GDPD3: variants seen among roughly 807,000 people sequenced by gnomAD.
GDPD3 encodes glycerophosphodiester phosphodiesterase domain containing 3, also known as lysophospholipase D GDPD3.
Under a neutral mutation model 43.7 loss-of-function variants are expected in GDPD3, and 40 were observed. The ratio of observed to expected loss-of-function variants is 0.91; its 90% CI spans 0.71 to 1.19. The LOEUF is 1.19. Among genes scored for constraint, GDPD3 ranks in the 50% most tolerant of loss-of-function variants. GDPD3 has a pLI of 0.00. For missense variants in GDPD3, 363 were observed against 415.8 expected, an observed-to-expected ratio of 0.87 and a Z score of 1.11; for synonymous variants, 145 against 162.9, an observed-to-expected ratio of 0.89 and a Z score of 0.84.
chr16:30,112,344 C>A lies in GDPD3; in HGVS notation c.445G>T (p.Val149Leu). Residue 149 changes from valine to leucine, a missense_variant, in exon 5 of 10, where the codon GTA becomes TTA. Physicochemically the swap from Val to Leu is conservative, Grantham distance 32. Transcript: ENST00000406256. This position sits in a 1 kb window ranked among gnomAD's most constrained non-coding sequence, Gnocchi z 5.4. ...TCTTCGTTCTTCCCTTTGATCTCTACGCTCATGGGTGTCCTTGGAAACCTC... is the reference window on the plus strand; with the variant it reads ...TCTTCGTTCTTCCCTTTGATCTCTAAGCTCATGGGTGTCCTTGGAAACCTC... ...FQRFPRTPMS[V>L]EIKGKNEELI... The A allele has an allele frequency of 6.2e-7, 1 of 1,614,208 alleles. No homozygotes were observed. The highest frequency in any genetic ancestry group is 8.5e-7 in the Non-Finnish European group (1 of 1,180,036).
intron 9 of GDPD3, among the ~76,000 whole-genome samples, chr16:30,107,508 T>C (rs2072868436): frequency 1.3e-5 from 2 of 152,104 alleles, no homozygotes; most frequent in South Asian, 4.1e-4. Context: ...TTAAATGATC[T>C]GGTGGAAGCC....
chr16:30,107,938 C>T (rs185815178), intron 9 of GDPD3: 52 of 226,100 alleles, frequency 2.3e-4, no homozygotes, highest in African/African-American at 1.1e-3. Context: ...TGCAGTGAGC[C>T]GAGATTGCAC....
intron 9 of GDPD3, among the ~76,000 whole-genome samples, chr16:30,106,807 A>C (rs929480290): frequency 6.6e-6 from 1 of 151,794 alleles, no homozygotes; most frequent in Admixed American, 6.6e-5. Flanking sequence ...CCTGGGTTCA[A>C]GTGATTCTCG....
intron 7 of GDPD3, chr16:30,110,937 T>A (rs1473040900): frequency 6.6e-6 from 1 of 152,586 alleles, no homozygotes; most frequent in Non-Finnish European, 1.5e-5. Flanking sequence ...TTCCTGATCC[T>A]TTCCCCAGCT....
chr16:30,113,289 C>G lies in GDPD3; in HGVS notation c.139+51G>C. The G allele has an allele frequency of 6.5e-7, 1 of 1,544,590 alleles. No homozygotes were observed. Among genetic ancestry groups the G allele is most frequent in the Non-Finnish European group, 8.7e-7 (1 of 1,142,904 alleles). On this transcript the variant is annotated intron_variant, in intron 1 of 9. Coordinates refer to ENST00000406256, the MANE Select transcript of GDPD3 (RefSeq NM_024307.3). The surrounding 1 kb of genome is among the most constrained non-coding windows in gnomAD (Gnocchi z 5.9). Reference sequence around the variant, plus strand: ...TTTCTAGCATGCCCCCTTGGACCTACCCCTCTGTGCTGTCCACTTTGGCAC... The same window carrying G: ...TTTCTAGCATGCCCCCTTGGACCTAGCCCTCTGTGCTGTCCACTTTGGCAC...
chr16:30,112,959 G>C lies in GDPD3; in HGVS notation c.182+63C>G. Reference sequence around the variant, plus strand: ...TAGGAAGTGAATGGCGTCCCTTGCTGTGATGCAGTCCACGACCTGCACACC... The same window carrying C: ...TAGGAAGTGAATGGCGTCCCTTGCTCTGATGCAGTCCACGACCTGCACACC... On this transcript the variant is annotated intron_variant, in intron 2 of 9. Coordinates refer to ENST00000406256, the MANE Select transcript of GDPD3 (RefSeq NM_024307.3). This position sits in a 1 kb window ranked among gnomAD's most constrained non-coding sequence, Gnocchi z 5.4. 1 of 1,549,772 alleles carries C rather than the reference G, an allele frequency of 6.5e-7. No homozygotes were observed.
intron 6 of GDPD3, 145 bp downstream of exon 6, chr16:30,111,987 C>G: frequency 1.6e-6 from 1 of 644,528 alleles, no homozygotes; most frequent in Non-Finnish European, 2.7e-6. Flanking sequence ...GGCCTGAGTT[C>G]ACACCCTTTT....
chr16:30,110,146 C>T (rs1006644202), intron 7 of GDPD3, among the ~76,000 whole-genome samples: 1 of 151,654 alleles, frequency 6.6e-6, no homozygotes, highest in Non-Finnish European at 1.5e-5. Context: ...CTTTATAAAT[C>T]TTGTATAAGG....
In GDPD3 at chr16:30,112,782, TG is replaced by T; in HGVS notation, c.193del (p.Gln65SerfsTer12). 1.9e-6 allele frequency: 3 copies of T among 1,605,688 alleles called. No homozygotes were observed. The highest frequency in any genetic ancestry group is 1.7e-6 in the Non-Finnish European group (2 of 1,179,018). The part of the protein sequence containing the change: ...TMEAMENSMA[Q>X]RSDLLELDCQ... The stretch of plus-strand genomic sequence containing the variant: ...GTCGAGCTCCAGGAGGTCCGAGCGC[TG>T]GGCCATGGAGCTGTGGGGGTGAAGG... On this transcript the variant is annotated frameshift_variant, in exon 3 of 10. Coordinates refer to ENST00000406256, the MANE Select transcript of GDPD3 (RefSeq NM_024307.3). LOFTEE classifies it high-confidence loss of function. The surrounding 1 kb of genome is among the most constrained non-coding windows in gnomAD (Gnocchi z 5.4).
chr16:30,108,488 G>T (rs2072876156), intron 7 of GDPD3, 56 bp from the exon 8 acceptor site: 1 of 1,555,390 alleles, frequency 6.4e-7, no homozygotes. Context: ...TCCCAGAGGT[G>T]GGGTGGGCTG....
chr16:30,112,641 G>A lies in GDPD3; in HGVS notation c.318+17C>T, dbSNP rs1312852295. The A allele has an allele frequency of 3.7e-6, 6 of 1,613,962 alleles. No homozygotes were observed. Among genetic ancestry groups the A allele is most frequent in the Non-Finnish European group, 5.1e-6 (6 of 1,179,962 alleles). ...TGACTCTCAGGGTGGGGGTTGGGGT[G>A]TCAGGGCAGGGCCCACCTCGAAGTC... On this transcript the variant is annotated intron_variant, in intron 3 of 9. Coordinates refer to ENST00000406256, the MANE Select transcript of GDPD3 (RefSeq NM_024307.3). This position sits in a 1 kb window ranked among gnomAD's most constrained non-coding sequence, Gnocchi z 5.4.
chr16:30,109,116 C>G (rs1373301073), intron 7 of GDPD3, among the ~76,000 whole-genome samples: 1 of 152,136 alleles, frequency 6.6e-6, no homozygotes, highest in Admixed American at 6.5e-5. Context: ...AGGCGTGAGC[C>G]ACCGTGCCCG....
At position 30,109,992 on chromosome 16, in the gene GDPD3, G is replaced by A. The variant is rs906110803; in HGVS notation, c.707+1396C>T. ...GGAGTCAGACCCAGGGAAAACCTAA[G>A]CTCTGGATTTCCAGCTGTGTGTCCT... On this transcript the variant is annotated intron_variant, in intron 7 of 9. Coordinates refer to ENST00000406256, the MANE Select transcript of GDPD3 (RefSeq NM_024307.3). Among the ~76,000 whole-genome samples the A allele has an allele frequency of 2.0e-5, 3 of 152,160 alleles. No homozygotes were observed. In the East Asian group the frequency reaches 5.8e-4, roughly 29 times the overall value.
In GDPD3 at chr16:30,111,453, C is replaced by T; in HGVS notation, c.642G>A (p.Gly214=). 1.2e-6 allele frequency: 2 copies of T among 1,613,918 alleles called. No homozygotes were observed. Among genetic ancestry groups the T allele is most frequent in the Non-Finnish European group, 1.7e-6 (2 of 1,179,920 alleles). The part of the protein sequence containing the change: ...GFWVLLSYYL[G]LLPFIPIPEK... ...CAGGGATTGGGATGAAGGGCAGCAG[C>T]CCCAGGTAGTAGGAAAGCAGCACCC... is the stretch of plus-strand genomic sequence containing the variant. Residue 214 remains glycine (G), a synonymous_variant, in exon 7 of 10, where the codon GGG becomes GGA. Coordinates refer to ENST00000406256, the MANE Select transcript of GDPD3 (RefSeq NM_024307.3).
chr16:30,105,836 C>T (rs1213329691), intron 9 of GDPD3, among the ~76,000 whole-genome samples: 1 of 148,658 alleles, frequency 6.7e-6, no homozygotes, highest in Non-Finnish European at 1.5e-5. Flanking sequence ...AGTGGCCAGG[C>T]GTAGTGGCTC....
chr16:30,110,299 C>T (rs1457475075), intron 7 of GDPD3, among the ~76,000 whole-genome samples: 2 of 151,584 alleles, frequency 1.3e-5, no homozygotes, highest in Non-Finnish European at 2.9e-5. Context: ...GGTGTGGTGG[C>T]GGGCGCCTGT....
At chr16:30,111,347 A>G (rs1169154901) in intron 7 of GDPD3, 41 bp downstream of exon 7, 9 of 1,607,644 alleles carry the variant, frequency 5.6e-6, no homozygotes, top group Non-Finnish European at 7.7e-6. Context: ...GGAGACCCTA[A>G]GCAGTGGGGA....
intron 7 of GDPD3, among the ~76,000 whole-genome samples, chr16:30,109,283 G>A (rs752091105): frequency 2.6e-5 from 4 of 152,214 alleles, no homozygotes; most frequent in Non-Finnish European, 5.9e-5. Context: ...TGTAATCGCA[G>A]CACTTTGAAA....
chr16:30,108,550 C>T (rs982535108), intron 7 of GDPD3, 118 bp from the exon 8 acceptor site: 6 of 862,910 alleles, frequency 7.0e-6, no homozygotes, highest in Middle Eastern at 3.1e-4. Flanking sequence ...CCCAGAATCC[C>T]CCAGAATAAC....
Sources: gnomAD v4.1 joint callset for allele counts (sites outside exome capture counted in the v4.1 genomes callset) on GRCh38, gnomAD v4.1.1 for gene constraint, Gnocchi (gnomAD v3.1) non-coding constraint, MANE v1.5 for transcripts, NCBI Gene and HGNC (gene_info 2026-07-23, HGNC 2026-07-21) for gene names.